Variants in TMEM161B observed in about 807,000 individuals in gnomAD.
TMEM161B encodes transmembrane protein 161B.
TMEM161B carries 34 observed loss-of-function variants against 61.8 expected under a neutral mutation model. The ratio of observed to expected loss-of-function variants is 0.55; its 90% CI spans 0.42 to 0.73. The LOEUF is 0.73. Among genes scored for constraint, TMEM161B ranks in the 30% least tolerant of loss-of-function variants. The pLI, the probability that TMEM161B is intolerant of heterozygous loss-of-function variation, is 0.00. For missense variants in TMEM161B, 456 were observed against 558.5 expected, an observed-to-expected ratio of 0.82 and a Z score of 1.85; for synonymous variants, 167 against 192.8, an observed-to-expected ratio of 0.87 and a Z score of 1.11.
chr5:88,245,769 A>C (rs763373684), intron 1 of TMEM161B, among the ~76,000 whole-genome samples: 8 of 151,964 alleles, frequency 5.3e-5, no homozygotes, highest in Non-Finnish European at 1.0e-4. Context: ...ACCAAACATG[A>C]TGAGATACTG....
chr5:88,210,729 G>A (rs1194603958), intron 5 of TMEM161B, among the ~76,000 whole-genome samples: 1 of 152,116 alleles, frequency 6.6e-6, no homozygotes, highest in Non-Finnish European at 1.5e-5. Context: ...AGGCCTCAAG[G>A]AAAAGACCAA....
chr5:88,237,763 A>T (rs894962894), intron 2 of TMEM161B, among the ~76,000 whole-genome samples: 7 of 152,158 alleles, frequency 4.6e-5, no homozygotes, highest in Non-Finnish European at 1.0e-4. Flanking sequence ...TCTAAAAAAA[A>T]TACTAATAGC....
Position 88,220,670 on chromosome 5 carries a change from A to G in TMEM161B, c.339T>C (p.Ala113=), listed in dbSNP as rs768122806. Residue 113 remains alanine (A), a synonymous_variant, in exon 5 of 12, where the codon GCT becomes GCC. Transcript: ENST00000296595. ...CAGTTACTAGATACACAACTGTAGC[A>G]GCCACTGTGAAATCCACCAGCCACT... ...EYQWLVDFTV[A]ATVVYLVTEV... is the part of the protein sequence containing the mutation. The G allele has an allele frequency of 6.1e-5, 95 of 1,564,226 alleles. No individual in the cohort carries two copies. Among genetic ancestry groups the G allele is most frequent in the Non-Finnish European group, 8.1e-5 (94 of 1,155,378 alleles).
chr5:88,225,244 G>A (rs1013505683), intron 4 of TMEM161B, among the ~76,000 whole-genome samples: 4 of 152,166 alleles, frequency 2.6e-5, no homozygotes, highest in Admixed American at 2.6e-4. Context: ...TGGGATTACA[G>A]GCGTGAGCCA....
chr5:88,268,788 C>T lies in TMEM161B; in HGVS notation c.-65G>A, dbSNP rs1353822207. ...GCCGGGGCAGTCCCAAACCTCTTAC[C>T]TCCCGGTCCTTGAGCCGAGAGACTC... On this transcript the variant is annotated 5_prime_UTR_variant, in exon 1 of 12. Coordinates refer to ENST00000296595, the MANE Select transcript of TMEM161B (RefSeq NM_153354.5). The T allele has an allele frequency of 6.2e-7, 1 of 1,612,748 alleles. No homozygotes were observed. The highest frequency in any genetic ancestry group is 8.5e-7 in the Non-Finnish European group (1 of 1,179,310).
intron 2 of TMEM161B, among the ~76,000 whole-genome samples, chr5:88,230,074 C>T (rs576800663): frequency 6.6e-6 from 1 of 151,844 alleles, no homozygotes; most frequent in Non-Finnish European, 1.5e-5. Flanking sequence ...CACCTGTGGT[C>T]GGGGGAGAGG....
chr5:88,192,697 CAA>C (rs1259838777), downstream of TMEM161B, among the ~76,000 whole-genome samples: 1 of 152,170 alleles, frequency 6.6e-6, no homozygotes, highest in East Asian at 1.9e-4. Flanking sequence ...TAAATCTTTG[CAA>C]AGACACAGGA....
intron 1 of TMEM161B, among the ~76,000 whole-genome samples, chr5:88,241,967 C>A (rs539786853): frequency 1.3e-5 from 2 of 151,768 alleles, no homozygotes; most frequent in Non-Finnish European, 1.5e-5. Context: ...AAGCAAATCT[C>A]TCTATCTGTG....
At chr5:88,211,823 C>T (rs1282855916) in intron 5 of TMEM161B, among the ~76,000 whole-genome samples, 2 of 146,816 alleles carry the variant, frequency 1.4e-5, no homozygotes, top group African/African-American at 2.5e-5. Context: ...TAATCCAGAA[C>T]ATACAATATC....
chr5:88,208,673 CA>C (rs973401994), intron 5 of TMEM161B, among the ~76,000 whole-genome samples: 2 of 151,858 alleles, frequency 1.3e-5, no homozygotes, highest in African/African-American at 2.4e-5. Flanking sequence ...ACAGCAGCAA[CA>C]AAAAAACAAC....
In TMEM161B at chr5:88,207,025, T is replaced by C. The variant is rs770577833; in HGVS notation, c.598+4A>G. 18 of 1,610,760 alleles carry C rather than the reference T, an allele frequency of 1.1e-5. No homozygotes were observed. The highest frequency in any genetic ancestry group is 5.0e-5 in the Admixed American group (3 of 59,944). ...TGATTTTTAAAGTTGTATGAAACTA[T>C]TACCTGTTTCAAGTCCAAATTCCAG... On this transcript the variant is annotated splice_donor_region_variant and intron_variant, in intron 6 of 11. Coordinates refer to ENST00000296595, the MANE Select transcript of TMEM161B (RefSeq NM_153354.5).
At chr5:88,229,904 A>C (rs1237097949) in intron 2 of TMEM161B, among the ~76,000 whole-genome samples, 1 of 151,794 alleles carries the variant, frequency 6.6e-6, no homozygotes, top group African/African-American at 2.4e-5. Flanking sequence ...TTGCTGTTTT[A>C]AAAACACGGC....
intron 5 of TMEM161B, among the ~76,000 whole-genome samples, chr5:88,214,520 T>A (rs1747458887): frequency 6.6e-6 from 1 of 152,230 alleles, no homozygotes; most frequent in African/African-American, 2.4e-5. Context: ...AAAGGACCTC[T>A]GGCTTTGCAA....
intron 2 of TMEM161B, among the ~76,000 whole-genome samples, chr5:88,237,325 A>G (rs1752015714): frequency 6.6e-6 from 1 of 152,128 alleles, no homozygotes; most frequent in African/African-American, 2.4e-5. Flanking sequence ...GAATCTCCTG[A>G]AAGATCCACA....
intron 1 of TMEM161B, among the ~76,000 whole-genome samples, chr5:88,262,392 AC>A (rs1224413983): frequency 6.6e-6 from 1 of 152,164 alleles, no homozygotes; most frequent in Non-Finnish European, 1.5e-5. Context: ...CAGCAATTGC[AC>A]TTGCTGGTTT....
Position 88,220,564 on chromosome 5 carries a change from T to C in TMEM161B, c.445A>G (p.Ile149Val), listed in dbSNP as rs747978367. 6 of 1,561,096 alleles carry C rather than the reference T, an allele frequency of 3.8e-6. No individual in the cohort carries two copies. The African/African-American group carries it at 4.1e-5, about 11-fold the overall frequency. ...TATTAATGATGTTTTGAAGGATACA[T>C]TGCAAAAGACAAAACAAGTAGGCAC... ...VWCLLVLSFA[I>V]KVLFSLTTHY... Residue 149 changes from isoleucine (I) to valine (V), a missense_variant and splice_region_variant, in exon 5 of 12, where the codon ATC becomes GTC. Physicochemically the swap from Ile to Val is conservative, Grantham distance 29. Coordinates refer to ENST00000296595, the MANE Select transcript of TMEM161B (RefSeq NM_153354.5).
At chr5:88,266,248 A>C (rs188485172) in intron 1 of TMEM161B, among the ~76,000 whole-genome samples, 2 of 152,382 alleles carry the variant, frequency 1.3e-5, no homozygotes, top group East Asian at 3.9e-4. Flanking sequence ...CAAGAATTAA[A>C]TCAAAACATT....
Position 88,205,970 on chromosome 5 carries a change from T to C in TMEM161B, c.660-16A>G. ...AACAGGACTCCTAAAAATAAAATTTTTTAAAAAGCTGATAAATTTTTATAA... is the reference window on the plus strand; with the variant it reads ...AACAGGACTCCTAAAAATAAAATTTCTTAAAAAGCTGATAAATTTTTATAA... On this transcript the variant is annotated splice_polypyrimidine_tract_variant and intron_variant, in intron 7 of 11. Transcript: ENST00000296595. 1 of 1,541,020 alleles carries C rather than the reference T, an allele frequency of 6.5e-7. No homozygotes were observed. The highest frequency in any genetic ancestry group is 8.8e-7 in the Non-Finnish European group (1 of 1,136,622).
At chr5:88,231,044 C>A (rs1205018757) in intron 2 of TMEM161B, among the ~76,000 whole-genome samples, 1 of 152,156 alleles carries the variant, frequency 6.6e-6, no homozygotes, top group Non-Finnish European at 1.5e-5. Context: ...AAACTCTGGA[C>A]TTCAAAGCTC....
Sources: allele counts gnomAD v4.1 joint callset (sites outside exome capture counted in the v4.1 genomes callset), GRCh38; gene constraint gnomAD v4.1.1; transcripts MANE v1.5; gene names NCBI Gene and HGNC (gene_info 2026-07-23, HGNC 2026-07-21).